SF3B2: variants seen among roughly 807,000 people sequenced by gnomAD.
SF3B2 encodes splicing factor 3b subunit 2, also known as SAP 145.
SF3B2 carries 22 observed loss-of-function variants against 116.3 expected under a neutral mutation model. The ratio of observed to expected loss-of-function variants is 0.19; its 90% CI spans 0.14 to 0.27. SF3B2 has a LOEUF of 0.27. SF3B2 is among the 10% of genes least tolerant of loss of function. SF3B2 has a pLI of 1.00. For synonymous variants in SF3B2, 406 were observed against 421.6 expected, an observed-to-expected ratio of 0.96 and a Z score of 0.45; for missense variants, 767 against 1,151.4, an observed-to-expected ratio of 0.67 and a Z score of 4.83.
chr11:66,059,495 G>C lies in SF3B2; in HGVS notation c.1321-20G>C. The stretch of plus-strand genomic sequence containing the variant: ...TTCACATCTGAGTCCTGCTTAAAAG[G>C]GCTGATTGTTCTGTTCTAGGAAAAG... On this transcript the variant is annotated intron_variant, in intron 11 of 21. Coordinates refer to ENST00000322535, the MANE Select transcript of SF3B2 (RefSeq NM_006842.3). The surrounding 1 kb of genome is among the most constrained non-coding windows in gnomAD (Gnocchi z 5.0). The C allele has an allele frequency of 6.2e-7, 1 of 1,613,910 alleles. No homozygotes were observed. The highest frequency in any genetic ancestry group is 8.5e-7 in the Non-Finnish European group (1 of 1,179,892).
chr11:66,055,798 AACTT>A, intron 5 of SF3B2: 1 of 514,988 alleles, frequency 1.9e-6, no homozygotes, highest in Non-Finnish European at 3.4e-6. Context: ...AGCTAAAAAT[AACTT>A]TAAAATTTTT....
In SF3B2 at chr11:66,058,360, A is replaced by T. The variant is rs750838343; in HGVS notation, c.921A>T (p.Ser307=). The change falls in exon 9 of 22, where the codon TCA becomes TCT. Residue 307 remains serine, a synonymous_variant. Coordinates refer to ENST00000322535, the MANE Select transcript of SF3B2 (RefSeq NM_006842.3). ...ATGCTCGCTCGTCCCTGGGCCAGTC[A>T]GCGTCAGAGACTGAGGAGGACACAG... ...ETDARSSLGQ[S]ASETEEDTVS... is the part of the protein sequence containing the mutation. 8.1e-6 allele frequency: 13 copies of T among 1,614,134 alleles called. No individual in the cohort carries two copies. The Admixed American group carries it at 2.2e-4, about 27-fold the overall frequency.
Position 66,068,817 on chromosome 11 carries a change from C to T in SF3B2, c.*72C>T, listed in dbSNP as rs117837147. ...GGCTTCACACAAGAACCACCTCTCC[C>T]GCAGTTCCCAAGGACTTGTCATTTC... On this transcript the variant is annotated 3_prime_UTR_variant, in exon 22 of 22. Coordinates refer to ENST00000322535, the MANE Select transcript of SF3B2 (RefSeq NM_006842.3). The T allele has an allele frequency of 1.4e-3, 1,595 of 1,177,356 alleles. 28 individuals are homozygous for T. In the East Asian group the frequency reaches 0.03, roughly 22 times the overall value. 72.9% of individuals were successfully genotyped at this position (1,177,356 alleles called of 1,614,324 possible).
chr11:66,058,886 G>A lies in SF3B2; in HGVS notation c.1023G>A (p.Gly341=), dbSNP rs747086965. Residue 341 remains glycine (G), a synonymous_variant, in exon 10 of 22, where the codon GGG becomes GGA. Transcript: ENST00000322535. ...KKKKKPQRVR[G]VSSESSGDRE... ...AGAAAAAGCCCCAGCGGGTGCGAGG[G>A]GTGTCCTCTGAGAGCTCTGGGGACC... 2.5e-6 allele frequency: 4 copies of A among 1,613,922 alleles called. No individual in the cohort carries two copies. The highest frequency in any genetic ancestry group is 1.7e-6 in the Non-Finnish European group (2 of 1,180,014).
intron 21 of SF3B2, 120 bp downstream of exon 21, chr11:66,068,453 T>C (rs1311750840): frequency 2.7e-5 from 30 of 1,099,436 alleles, no homozygotes; most frequent in Non-Finnish European, 3.7e-5. Flanking sequence ...TGCTCTGTGC[T>C]TCCTTAGATT....
intron 5 of SF3B2, among the ~76,000 whole-genome samples, chr11:66,056,332 C>T (rs774555642): frequency 1.4e-5 from 2 of 142,442 alleles, no homozygotes; most frequent in African/African-American, 2.6e-5. Flanking sequence ...CTGGGGAGGC[C>T]GAGGTTGCAG....
chr11:66,054,179 C>CAAA (rs34155501), intron 3 of SF3B2, among the ~76,000 whole-genome samples: 2 of 105,532 alleles, frequency 1.9e-5, no homozygotes, highest in African/African-American at 3.6e-5. Context: ...GAGACTGTCT[C>CAAA]AAAAAAAAAA....
rs1250990921 is a variant in SF3B2, at chr11:66,061,791, C to T, written c.1869+16C>T. ...AGTAGGACCAGTGAGTGTCAGTTAG[C>T]TGTCTGGGGAAGCAGCGAAGAGGCT... On this transcript the variant is annotated intron_variant, in intron 15 of 21. Transcript: ENST00000322535. 2 of 1,610,912 alleles carry T rather than the reference C, an allele frequency of 1.2e-6. No homozygotes were observed. Among genetic ancestry groups the T allele is most frequent in the East Asian group, 4.5e-5 (2 of 44,878 alleles).
chr11:66,055,472 A>G, intron 4 of SF3B2, 63 bp from the exon 5 acceptor site: 1 of 1,604,892 alleles, frequency 6.2e-7, no homozygotes, highest in Non-Finnish European at 8.5e-7. Context: ...TCAAGAAGCA[A>G]GAGTTGTGGC....
Position 66,058,970 on chromosome 11 carries a change from T to G in SF3B2, c.1107T>G (p.Ile369Met). 6.2e-7 allele frequency: 1 copy of G among 1,614,120 alleles called. No homozygotes were observed. Among genetic ancestry groups the G allele is most frequent in the Non-Finnish European group, 8.5e-7 (1 of 1,180,022 alleles). ...GSDSPAADVE[I>M]EYVTEEPEIY... ...ATTCCCCAGCAGCTGATGTTGAGAT[T>G]GAGTATGTGACTGAAGAACCTGAAA... The change falls in exon 10 of 22, where the codon ATT becomes ATG. Residue 369 changes from isoleucine to methionine, a missense_variant. Around this residue, in one of 4 missense-constraint regions of SF3B2, gnomAD observed 455 missense variants for 537.5 expected, o/e 0.85. Coordinates refer to ENST00000322535, the MANE Select transcript of SF3B2 (RefSeq NM_006842.3).
intron 6 of SF3B2, 48 bp from the exon 7 acceptor site, chr11:66,057,218 G>T: frequency 8.4e-7 from 1 of 1,188,834 alleles, no homozygotes; most frequent in Non-Finnish European, 1.3e-6. Context: ...TTTTTTACGT[G>T]AGTGTTTTGC....
At chr11:66,067,870 C>T (rs1857215148) in intron 19 of SF3B2, 76 bp from the exon 20 acceptor site, 3 of 1,189,188 alleles carry the variant, frequency 2.5e-6, no homozygotes, top group Admixed American at 3.8e-5. Context: ...GGAGGTGCCA[C>T]CTGTATCTTT....
At position 66,059,030 on chromosome 11, in the gene SF3B2, C is replaced by T; in HGVS notation, c.1167C>T (p.Ile389=). 1 of 1,613,900 alleles carries T rather than the reference C, an allele frequency of 6.2e-7. No homozygotes were observed. Among genetic ancestry groups the T allele is most frequent in the Non-Finnish European group, 8.5e-7 (1 of 1,179,928 alleles). ...YEPNFIFFKR[I]FEAFKLTDDV... ...CCAACTTTATCTTCTTTAAGAGGAT[C>T]TTTGAGGCTTTTAAGGTACAAGGAG... Residue 389 remains isoleucine, a synonymous_variant, in exon 10 of 22, where the codon ATC becomes ATT. Coordinates refer to ENST00000322535, the MANE Select transcript of SF3B2 (RefSeq NM_006842.3). This position sits in a 1 kb window ranked among gnomAD's most constrained non-coding sequence, Gnocchi z 5.0.
Position 66,059,823 on chromosome 11 carries a change from A to T in SF3B2, c.1443A>T (p.Thr481=). 6.2e-7 allele frequency: 1 copy of T among 1,614,194 alleles called. No individual in the cohort carries two copies. The highest frequency in any genetic ancestry group is 8.5e-7 in the Non-Finnish European group (1 of 1,180,032). Reference sequence around the variant, plus strand: ...ATGTCGTGGAGATGCACGATGTGACAGCGCAGGACCCTAAGCTCTTGGTTC... The same window carrying T: ...ATGTCGTGGAGATGCACGATGTGACTGCGCAGGACCCTAAGCTCTTGGTTC... The part of the protein sequence containing the change: ...RPDVVEMHDV[T]AQDPKLLVHL... The change falls in exon 13 of 22, where the codon ACA becomes ACT. Residue 481 remains threonine (T), a synonymous_variant. Coordinates refer to ENST00000322535, the MANE Select transcript of SF3B2 (RefSeq NM_006842.3). This position sits in a 1 kb window ranked among gnomAD's most constrained non-coding sequence, Gnocchi z 5.0.
intron 21 of SF3B2, 112 bp downstream of exon 21, chr11:66,068,445 C>A: frequency 2.7e-6 from 3 of 1,129,306 alleles, no homozygotes; most frequent in Non-Finnish European, 3.7e-6. Flanking sequence ...CTGCTTGCTG[C>A]TCTGTGCTTC....
intron 3 of SF3B2, 49 bp from the exon 4 acceptor site, chr11:66,055,027 A>AAT: frequency 6.7e-7 from 1 of 1,486,196 alleles, no homozygotes; most frequent in Non-Finnish European, 9.0e-7. Context: ...ATATTTGCAG[A>AAT]ATGAGTAGAT....
In SF3B2 at chr11:66,055,245, A is replaced by C. The variant is rs948661914; in HGVS notation, c.428A>C (p.Glu143Ala). The change falls in exon 4 of 22, where the codon GAG becomes GCG. Residue 143 changes from glutamate (E) to alanine (A), a missense_variant. Coordinates refer to ENST00000322535, the MANE Select transcript of SF3B2 (RefSeq NM_006842.3). ...LRVGEPVALS[E>A]EERLKLAQQQ... ...GTGGGTGAGCCAGTGGCACTGTCAGAGGAGGAGCGGCTGAAGTTGGCTCAG... is the reference window on the plus strand; with the variant it reads ...GTGGGTGAGCCAGTGGCACTGTCAGCGGAGGAGCGGCTGAAGTTGGCTCAG... 1 of 1,613,964 alleles carries C rather than the reference A, an allele frequency of 6.2e-7. No individual in the cohort carries two copies. Among genetic ancestry groups the C allele is most frequent in the Non-Finnish European group, 8.5e-7 (1 of 1,179,932 alleles).
Position 66,068,684 on chromosome 11 carries a change from G to A in SF3B2, c.2627G>A (p.Arg876Gln). The change falls in exon 22 of 22, where the codon CGG becomes CAG. Residue 876 changes from arginine (R) to glutamine (Q), a missense_variant. Around this residue, in one of 4 missense-constraint regions of SF3B2, gnomAD observed 27 missense variants for 28.0 expected, o/e 0.96. Coordinates refer to ENST00000322535, the MANE Select transcript of SF3B2 (RefSeq NM_006842.3). Reference protein sequence around the residue: ...EHAAKQKQKKRKAQPQDSRGG... With the variant: ...EHAAKQKQKKQKAQPQDSRGG... Reference sequence around the variant, plus strand: ...TTTCTCCCTATACAGCAAAAAAAACGGAAAGCTCAGCCCCAGGACAGCCGT... The same window carrying A: ...TTTCTCCCTATACAGCAAAAAAAACAGAAAGCTCAGCCCCAGGACAGCCGT... 1 of 1,613,908 alleles carries A rather than the reference G, an allele frequency of 6.2e-7. No individual in the cohort carries two copies. Among genetic ancestry groups the A allele is most frequent in the Non-Finnish European group, 8.5e-7 (1 of 1,179,942 alleles).
rs1857123522 is a variant in SF3B2, at chr11:66,063,011, C to T, written c.1980C>T (p.Ser660=). The part of the protein sequence containing the change: ...IPGLNSPIPE[S]CSFGYHAGGW... The stretch of plus-strand genomic sequence containing the variant: ...TGATTGTGCTCACTGTCTTGCAGAG[C>T]TGTTCCTTTGGGTACCATGCTGGTG... The change falls in exon 17 of 22, where the codon AGC becomes AGT. Residue 660 remains serine, a splice_region_variant and synonymous_variant. Coordinates refer to ENST00000322535, the MANE Select transcript of SF3B2 (RefSeq NM_006842.3). The T allele has an allele frequency of 1.2e-6, 2 of 1,611,824 alleles. No homozygotes were observed. The highest frequency in any genetic ancestry group is 2.2e-5 in the East Asian group (1 of 44,882).
Sources: gnomAD v4.1 joint callset for allele counts (sites outside exome capture counted in the v4.1 genomes callset) on GRCh38, gnomAD v4.1.1 for gene constraint, gnomAD v4.1.1 regional missense constraint, Gnocchi (gnomAD v3.1) non-coding constraint, MANE v1.5 for transcripts, NCBI Gene and HGNC (gene_info 2026-07-23, HGNC 2026-07-21) for gene names.